The following SERPINB12 variants were observed in gnomAD, a reference collection of about 807,000 sequenced individuals.
SERPINB12 encodes the protein serpin B12.
In SERPINB12, 57 loss-of-function variants were observed where a neutral mutation model predicts 41.1. The ratio of observed to expected loss-of-function variants is 1.39; its 90% CI spans 1.12 to 1.73. SERPINB12 has a LOEUF of 1.73. SERPINB12 is among the 40% of genes most tolerant of loss of function. The probability of loss-of-function intolerance (pLI) is 0.00; values close to 1 mark genes in which losing one functional copy is unlikely to be tolerated. For synonymous variants in SERPINB12, 180 were observed against 181.3 expected, an observed-to-expected ratio of 0.99 and a Z score of 0.06; for missense variants, 536 against 501.9, an observed-to-expected ratio of 1.07 and a Z score of -0.65.
chr18:63,551,336 C>A (rs985293238), intron 1 of SERPINB12, among the ~76,000 whole-genome samples: 9 of 151,320 alleles, frequency 5.9e-5, no homozygotes, highest in African/African-American at 2.2e-4. Context: ...TCTTTTTTTT[C>A]TTTTTTGAGA....
chr18:63,566,913 T>A lies in SERPINB12; in HGVS notation c.1180T>A (p.Ser394Thr), dbSNP rs763179839. The A allele has an allele frequency of 1.2e-6, 2 of 1,614,014 alleles. No individual in the cohort carries two copies. The highest frequency in any genetic ancestry group is 1.7e-6 in the Non-Finnish European group (2 of 1,180,006). ...TGTTGTCTCGGAAAGGTCACTACGATCTTGGGTGGAGTTTAATGCCAACCA... is the reference window on the plus strand; with the variant it reads ...TGTTGTCTCGGAAAGGTCACTACGAACTTGGGTGGAGTTTAATGCCAACCA... ...GAVVSERSLRSWVEFNANHPF... is the reference protein window; with the variant it reads ...GAVVSERSLRTWVEFNANHPF... The change falls in exon 8 of 8, where the codon TCT (serine) becomes ACT (threonine). Residue 394 changes from serine (S) to threonine (T), a missense_variant. Transcript: ENST00000382768.
chr18:63,566,634 A>G lies in SERPINB12; in HGVS notation c.901A>G (p.Met301Val). The G allele has an allele frequency of 6.2e-7, 1 of 1,607,818 alleles. No homozygotes were observed. The highest frequency in any genetic ancestry group is 8.5e-7 in the Non-Finnish European group (1 of 1,178,336). The change falls in exon 8 of 8, where the codon ATG (methionine) becomes GTG (valine). Residue 301 changes from methionine to valine, a missense_variant. Physicochemically the swap from Met to Val is conservative, Grantham distance 21 (BLOSUM62 1). Coordinates refer to ENST00000382768, the MANE Select transcript of SERPINB12 (RefSeq NM_001307928.2). The part of the protein sequence containing the change: ...ELERKITYEK[M>V]VAWSSSENMS... ...TGAAAGGAAAATCACCTATGAAAAA[A>G]TGGTGGCCTGGAGCAGCTCAGAAAA...
At chr18:63,535,410 G>T in the SERPINB12 span, among the ~76,000 whole-genome samples, 2 of 152,052 alleles carry the variant, frequency 1.3e-5, no homozygotes, top group African/African-American at 4.8e-5. Context: ...CAGGCATTGT[G>T]CTTGCCAAAA....
the SERPINB12 span, among the ~76,000 whole-genome samples, chr18:63,527,589 C>T: frequency 2.6e-5 from 4 of 152,002 alleles, no homozygotes; most frequent in Admixed American, 2.6e-4. Flanking sequence ...AGTTTTTATA[C>T]TGGGAGCTTC....
At position 63,569,252 on chromosome 18, in the gene SERPINB12, A is replaced by G. The variant is rs1169136855; in HGVS notation, c.*2241A>G. On this transcript the variant is annotated 3_prime_UTR_variant, in exon 8 of 8. Transcript: ENST00000382768. Reference sequence around the variant, plus strand: ...CTTAAATCTTTATGTAAATCAGTAAACATTCTTTACTAACCTTTGATTTAT... The same window carrying G: ...CTTAAATCTTTATGTAAATCAGTAAGCATTCTTTACTAACCTTTGATTTAT... 1.3e-5 allele frequency among the ~76,000 whole-genome samples: 2 copies of G among 152,186 alleles called. No homozygotes were observed. Among genetic ancestry groups the G allele is most frequent in the East Asian group, 3.9e-4 (2 of 5,194 alleles).
upstream of SERPINB12, among the ~76,000 whole-genome samples, chr18:63,541,192 G>T (rs765989560): frequency 3.2e-4 from 48 of 152,140 alleles, no homozygotes; most frequent in Non-Finnish European, 5.6e-4. Context: ...CCAATTTCAT[G>T]CTTGCAAGTT....
At chr18:63,523,415 C>T in the SERPINB12 span, among the ~76,000 whole-genome samples, 119,904 of 152,162 alleles carry the variant, frequency 0.79, 47,320 homozygotes, top group Non-Finnish European at 0.82. Context: ...CCTCCTTCAG[C>T]GTGATTGCTT....
At position 63,568,362 on chromosome 18, in the gene SERPINB12, C is replaced by T. The variant is rs1324490847; in HGVS notation, c.*1351C>T. 6.6e-6 allele frequency among the ~76,000 whole-genome samples: 1 copy of T among 152,164 alleles called. No individual in the cohort carries two copies. Among genetic ancestry groups the T allele is most frequent in the Non-Finnish European group, 1.5e-5 (1 of 68,024 alleles). On this transcript the variant is annotated 3_prime_UTR_variant, in exon 8 of 8. Transcript: ENST00000382768. ...CGCCACTGCACTCCAGCCTGGGTGACAGAGCGAAACCCTGTCTCAAAAAAC... is the reference window on the plus strand; with the variant it reads ...CGCCACTGCACTCCAGCCTGGGTGATAGAGCGAAACCCTGTCTCAAAAAAC...
At chr18:63,549,903 G>T (rs934099768) in intron 1 of SERPINB12, among the ~76,000 whole-genome samples, 1 of 152,178 alleles carries the variant, frequency 6.6e-6, no homozygotes, top group South Asian at 2.1e-4. Context: ...TGGTATAGGA[G>T]GAAAGAGGTA....
In SERPINB12 at chr18:63,566,638, T is replaced by G; in HGVS notation, c.905T>G (p.Val302Gly). ...LERKITYEKMVAWSSSENMSE... is the reference protein window; with the variant it reads ...LERKITYEKMGAWSSSENMSE... ...AGGAAAATCACCTATGAAAAAATGG[T>G]GGCCTGGAGCAGCTCAGAAAACATG... Residue 302 changes from valine (V) to glycine (G), a missense_variant, in exon 8 of 8, where the codon GTG becomes GGG. Transcript: ENST00000382768. 1 of 1,607,342 alleles carries G rather than the reference T, an allele frequency of 6.2e-7. No homozygotes were observed. The highest frequency in any genetic ancestry group is 2.2e-5 in the East Asian group (1 of 44,860).
chr18:63,520,320 A>G, the SERPINB12 span, among the ~76,000 whole-genome samples: 594 of 152,242 alleles, frequency 3.9e-3, 1 homozygote, highest in Non-Finnish European at 6.4e-3. Flanking sequence ...GATGATGACG[A>G]TTTCTCAGGC....
chr18:63,541,385 G>A (rs961509910), upstream of SERPINB12, among the ~76,000 whole-genome samples: 4 of 152,102 alleles, frequency 2.6e-5, no homozygotes, highest in Non-Finnish European at 5.9e-5. Flanking sequence ...GATGCAGGAT[G>A]GGTTTTTGTA....
chr18:63,552,397 A>G (rs1454098861), intron 1 of SERPINB12, among the ~76,000 whole-genome samples: 4 of 152,224 alleles, frequency 2.6e-5, no homozygotes, highest in Non-Finnish European at 5.9e-5. Flanking sequence ...TTGCAACAAC[A>G]TAACATAACA....
chr18:63,549,881 C>T (rs1197494836), intron 1 of SERPINB12, among the ~76,000 whole-genome samples: 3 of 152,192 alleles, frequency 2.0e-5, no homozygotes, highest in Non-Finnish European at 4.4e-5. Flanking sequence ...TTATCTGCTC[C>T]AGAGGGTGGC....
the SERPINB12 span, among the ~76,000 whole-genome samples, chr18:63,533,290 G>T: frequency 2.6e-5 from 4 of 152,158 alleles, no homozygotes. Context: ...ATTTCTTAAT[G>T]AATGAATCGA....
the SERPINB12 span, among the ~76,000 whole-genome samples, chr18:63,521,516 T>C: frequency 6.6e-6 from 1 of 152,182 alleles, no homozygotes; most frequent in African/African-American, 2.4e-5. Context: ...GAGTCCATTG[T>C]CAAGTTCAGT....
At chr18:63,531,325 A>G in the SERPINB12 span, among the ~76,000 whole-genome samples, 105,242 of 152,084 alleles carry the variant, frequency 0.69, 36,630 homozygotes, top group Middle Eastern at 0.74. Context: ...TTCACAGGGA[A>G]GTACAAGAAA....
At chr18:63,539,004 C>T (rs1474808244), upstream of SERPINB12, among the ~76,000 whole-genome samples, 1 of 152,140 alleles carries the variant, frequency 6.6e-6, no homozygotes, top group Non-Finnish European at 1.5e-5. Context: ...GTGAATTCTC[C>T]TTGAAAATTT....
At chr18:63,540,931 G>GTA (rs1173715261), upstream of SERPINB12, among the ~76,000 whole-genome samples, 1 of 152,146 alleles carries the variant, frequency 6.6e-6, no homozygotes, top group Non-Finnish European at 1.5e-5. Context: ...GCTCAGCTAT[G>GTA]TATAAAGTGT....
Sources: allele counts gnomAD v4.1 joint callset (sites outside exome capture counted in the v4.1 genomes callset), GRCh38; gene constraint gnomAD v4.1.1; transcripts MANE v1.5; gene names NCBI Gene and HGNC (gene_info 2026-07-23, HGNC 2026-07-21).